Variants in RIT2 observed in about 807,000 individuals in gnomAD.
RIT2 encodes Ras like without CAAX 2.
Under a neutral mutation model 23.7 loss-of-function variants are expected in RIT2, and 24 were observed. The ratio of observed to expected loss-of-function variants is 1.01; its 90% CI spans 0.73 to 1.43. The LOEUF is 1.43. Ranked by LOEUF, RIT2 falls within the 40% of genes most tolerant of loss-of-function variation. RIT2 has a pLI of 0.00. For synonymous variants in RIT2, 107 were observed against 91.1 expected, an observed-to-expected ratio of 1.17 and a Z score of -0.99; for missense variants, 236 against 266.9, an observed-to-expected ratio of 0.88 and a Z score of 0.81.
At position 42,800,130 on chromosome 18, in the gene RIT2, T is replaced by TA. The variant is rs1427192818; in HGVS notation, c.427-56411dup. Among the ~76,000 whole-genome samples, 24 of 152,314 alleles carry TA rather than the reference T, an allele frequency of 1.6e-4. 1 individual carries two copies. Among genetic ancestry groups the TA allele is most frequent in the Middle Eastern group, 6.8e-3 (2 of 294 alleles). On this transcript the variant is annotated intron_variant, in intron 4 of 4. Transcript: ENST00000326695. ...GGATAAATAAATGGCATTTATTTTT[T>TA]AAAAAATCATTATTAACTATTATTT...
At chr18:42,748,731 A>G (rs1912976495) in intron 4 of RIT2, among the ~76,000 whole-genome samples, 1 of 152,004 alleles carries the variant, frequency 6.6e-6, no homozygotes, top group Non-Finnish European at 1.5e-5. Flanking sequence ...GTAAAGGCAT[A>G]AGAAAGATAC....
intron 2 of RIT2, among the ~76,000 whole-genome samples, chr18:42,999,688 A>G (rs1911061453): frequency 1.3e-5 from 2 of 152,096 alleles, no homozygotes; most frequent in South Asian, 2.1e-4. Flanking sequence ...TGAGGATTTT[A>G]TCAGGACACT....
chr18:42,888,554 C>T (rs1908089231), intron 4 of RIT2, among the ~76,000 whole-genome samples: 1 of 151,348 alleles, frequency 6.6e-6, no homozygotes, highest in Non-Finnish European at 1.5e-5. Flanking sequence ...TAAATAATAG[C>T]CTGGGTATAT....
intron 4 of RIT2, among the ~76,000 whole-genome samples, chr18:42,889,005 A>T (rs532933704): frequency 3.9e-5 from 6 of 152,178 alleles, no homozygotes; most frequent in Admixed American, 2.6e-4. Flanking sequence ...CCACCATCAT[A>T]CAATATTCTC....
intron 4 of RIT2, chr18:42,920,787 G>A (rs763088861): frequency 1.3e-6 from 2 of 1,513,074 alleles, no homozygotes; most frequent in Non-Finnish European, 1.8e-6. Flanking sequence ...ATTGCTTAGT[G>A]AGAATCCTAC....
intron 4 of RIT2, among the ~76,000 whole-genome samples, chr18:42,797,174 T>C (rs971065122): frequency 1.3e-5 from 2 of 152,168 alleles, no homozygotes; most frequent in Non-Finnish European, 2.9e-5. Flanking sequence ...CTCTTTAGCT[T>C]ACTTTGTAGG....
chr18:42,976,255 G>A (rs1187855179), intron 2 of RIT2, among the ~76,000 whole-genome samples: 2 of 151,498 alleles, frequency 1.3e-5, no homozygotes, highest in African/African-American at 2.4e-5. Context: ...AAGCAAGAGA[G>A]AAAAGGAAAA....
intron 1 of RIT2, among the ~76,000 whole-genome samples, chr18:43,097,342 C>T (rs1292256491): frequency 6.6e-6 from 1 of 151,748 alleles, no homozygotes; most frequent in African/African-American, 2.4e-5. Context: ...AGAGAAAAGA[C>T]AGGACATACA....
At chr18:42,927,077 C>T (rs1568032127) in intron 3 of RIT2, among the ~76,000 whole-genome samples, 1 of 151,914 alleles carries the variant, frequency 6.6e-6, no homozygotes, top group South Asian at 2.1e-4. Flanking sequence ...AAATACAATA[C>T]AAATCAAGCC....
At position 42,935,295 on chromosome 18, in the gene RIT2, G is replaced by A. The variant is rs1165989004; in HGVS notation, c.235-11532C>T. ...TGACTCCGAATTGCTTCACTAGAGA[G>A]TGGTGTGCGGCAGGGTTGAATGAAC... is the stretch of plus-strand genomic sequence containing the variant. On this transcript the variant is annotated intron_variant, in intron 3 of 4. Coordinates refer to ENST00000326695, the MANE Select transcript of RIT2 (RefSeq NM_002930.4). 1.2e-4 allele frequency among the ~76,000 whole-genome samples: 19 copies of A among 152,176 alleles called. 1 individual carries two copies. Among genetic ancestry groups the A allele is most frequent in the Admixed American group, 1.2e-3 (19 of 15,268 alleles).
At chr18:42,771,037 T>A (rs16976803) in intron 4 of RIT2, among the ~76,000 whole-genome samples, 3,853 of 152,286 alleles carry the variant, frequency 0.025, 164 homozygotes, top group African/African-American at 0.085. Context: ...TGATAGAGCT[T>A]CTATGATTCC....
At chr18:42,996,958 G>A (rs1054209063) in intron 2 of RIT2, among the ~76,000 whole-genome samples, 1 of 152,062 alleles carries the variant, frequency 6.6e-6, no homozygotes, top group Non-Finnish European at 1.5e-5. Flanking sequence ...TGCACCATGT[G>A]ACATTTCATT....
At chr18:42,825,082 G>C (rs910199695) in intron 4 of RIT2, among the ~76,000 whole-genome samples, 1 of 151,704 alleles carries the variant, frequency 6.6e-6, no homozygotes, top group African/African-American at 2.4e-5. Context: ...AAATAAATTT[G>C]ATAATTTGGT....
intron 3 of RIT2, among the ~76,000 whole-genome samples, chr18:42,945,937 G>A (rs1909717861): frequency 6.6e-6 from 1 of 152,092 alleles, no homozygotes; most frequent in Non-Finnish European, 1.5e-5. Context: ...TCAGATAAAT[G>A]GTGTTGGTTG....
chr18:42,836,346 GAC>G (rs1906602874), intron 4 of RIT2, among the ~76,000 whole-genome samples: 1 of 152,074 alleles, frequency 6.6e-6, no homozygotes, highest in Admixed American at 6.5e-5. Flanking sequence ...TGAAGGAAAT[GAC>G]ACAGAGTGGG....
chr18:42,766,994 G>T (rs1174958515), intron 4 of RIT2, among the ~76,000 whole-genome samples: 1 of 152,226 alleles, frequency 6.6e-6, no homozygotes, highest in East Asian at 1.9e-4. Flanking sequence ...GTATGGAAAT[G>T]CCTGGATGCC....
At chr18:43,003,922 CA>C (rs1911167419) in intron 2 of RIT2, among the ~76,000 whole-genome samples, 1 of 151,664 alleles carries the variant, frequency 6.6e-6, no homozygotes, top group South Asian at 2.1e-4. Flanking sequence ...TTTCCTACCC[CA>C]AATGATATTC....
intron 3 of RIT2, among the ~76,000 whole-genome samples, chr18:42,958,100 T>A (rs938852200): frequency 6.6e-6 from 1 of 152,178 alleles, no homozygotes; most frequent in African/African-American, 2.4e-5. Flanking sequence ...TATCACAGGC[T>A]TGGGAGCCAT....
At chr18:42,798,706 C>T (rs1359114553) in intron 4 of RIT2, among the ~76,000 whole-genome samples, 1 of 152,232 alleles carries the variant, frequency 6.6e-6, no homozygotes, top group Non-Finnish European at 1.5e-5. Context: ...TCCTCTCCAC[C>T]ATTGGCACCT....
Sources: allele counts gnomAD v4.1 joint callset (sites outside exome capture counted in the v4.1 genomes callset), GRCh38; gene constraint gnomAD v4.1.1; transcripts MANE v1.5; gene names NCBI Gene and HGNC (gene_info 2026-07-23, HGNC 2026-07-21).